Variants in PIAS1 observed in about 807,000 individuals in gnomAD.
PIAS1 encodes E3 SUMO-protein ligase PIAS1.
Under a neutral mutation model 71.3 loss-of-function variants are expected in PIAS1, and 6 were observed. The observed-to-expected ratio is 0.08, with a 90% CI of 0.05 to 0.17. The LOEUF (loss-of-function observed/expected upper bound fraction) is 0.17. PIAS1 is among the 10% of genes least tolerant of loss of function. PIAS1 has a pLI of 1.00. For synonymous variants in PIAS1, 303 were observed against 292.9 expected, an observed-to-expected ratio of 1.03 and a Z score of -0.35; for missense variants, 555 against 793.6, an observed-to-expected ratio of 0.70 and a Z score of 3.61.
chr15:68,185,472 A>T lies in PIAS1; in HGVS notation c.1662+1805A>T, dbSNP rs1417281362. Among the ~76,000 whole-genome samples the T allele has an allele frequency of 1.3e-5, 2 of 152,234 alleles. No homozygotes were observed. The highest frequency in any genetic ancestry group is 2.9e-5 in the Non-Finnish European group (2 of 68,038). ...TAACCTAGATGTAGATGAGGATGAC[A>T]TTGAGAAGCTCCTAGATGTGGTTCC... On this transcript the variant is annotated intron_variant, in intron 13 of 13. Transcript: ENST00000249636. This position sits in a 1 kb window ranked among gnomAD's most constrained non-coding sequence, Gnocchi z 4.4.
chr15:68,187,028 TTAGAG>T lies in PIAS1; in HGVS notation c.1663-511_1663-507del, dbSNP rs896237828. Among the ~76,000 whole-genome samples the T allele has an allele frequency of 4.6e-5, 7 of 152,386 alleles. No homozygotes were observed. The highest frequency in any genetic ancestry group is 1.2e-4 in the African/African-American group (5 of 41,604). ...AGAAAGATAAATTTCCTTGGAAAAC[TTAGAG>T]TAATCATACCCATTATCATTATGGC... On this transcript the variant is annotated intron_variant, in intron 13 of 13. Transcript: ENST00000249636. This position sits in a 1 kb window ranked among gnomAD's most constrained non-coding sequence, Gnocchi z 5.3.
intron 2 of PIAS1, among the ~76,000 whole-genome samples, chr15:68,103,273 A>AT (rs36010725): frequency 0.49 from 72,784 of 147,542 alleles, 18,399 homozygotes; most frequent in Middle Eastern, 0.58. Flanking sequence ...ATAAAATGAT[A>AT]TTTTTTTTTC....
intron 2 of PIAS1, among the ~76,000 whole-genome samples, chr15:68,103,063 G>C (rs1595726861): frequency 6.6e-6 from 1 of 151,986 alleles, no homozygotes; most frequent in East Asian, 1.9e-4. Flanking sequence ...GAGTAGCTGG[G>C]ACTATAGGTG....
chr15:68,070,821 A>G (rs1032849316), intron 1 of PIAS1, among the ~76,000 whole-genome samples: 3 of 152,170 alleles, frequency 2.0e-5, no homozygotes, highest in East Asian at 3.9e-4. Flanking sequence ...TGGCCTCACT[A>G]TGTTGGCCAG....
At chr15:68,182,533 T>C (rs1297784968) in intron 12 of PIAS1, among the ~76,000 whole-genome samples, 1 of 115,402 alleles carries the variant, frequency 8.7e-6, no homozygotes. Context: ...TTTGCTCTTA[T>C]TGCTCAGGCT....
At chr15:68,065,226 A>C (rs1274409899) in intron 1 of PIAS1, among the ~76,000 whole-genome samples, 1 of 152,146 alleles carries the variant, frequency 6.6e-6, no homozygotes, top group Admixed American at 6.5e-5. Context: ...TTTACAGTAC[A>C]GCAGTGCCTA....
intron 2 of PIAS1, among the ~76,000 whole-genome samples, chr15:68,116,115 A>C (rs1319953771): frequency 1.3e-5 from 2 of 151,430 alleles, no homozygotes; most frequent in Non-Finnish European, 3.0e-5. Flanking sequence ...TGTAGAATCA[A>C]TATTTTTTCT....
chr15:68,125,540 A>G (rs1361285374), intron 2 of PIAS1, among the ~76,000 whole-genome samples: 1 of 152,206 alleles, frequency 6.6e-6, no homozygotes, highest in Non-Finnish European at 1.5e-5. Context: ...AGCATGCCTG[A>G]AAATGTTTTA....
chr15:68,117,597 G>T (rs891548261), intron 2 of PIAS1, among the ~76,000 whole-genome samples: 9 of 152,124 alleles, frequency 5.9e-5, no homozygotes, highest in Non-Finnish European at 1.3e-4. Flanking sequence ...TCCACATGTG[G>T]ATGAAATCGT....
rs781327927 is a variant in PIAS1, at chr15:68,185,394, G to A, written c.1662+1727G>A. Among the ~76,000 whole-genome samples, 6 of 152,192 alleles carry A rather than the reference G, an allele frequency of 3.9e-5. No homozygotes were observed. Among genetic ancestry groups the A allele is most frequent in the Non-Finnish European group, 8.8e-5 (6 of 68,036 alleles). ...TCATGACTTCAAAGAATCTGCTAAGGATGAAGAGGTTGCAGAAATGGACAA... is the reference window on the plus strand; with the variant it reads ...TCATGACTTCAAAGAATCTGCTAAGAATGAAGAGGTTGCAGAAATGGACAA... On this transcript the variant is annotated intron_variant, in intron 13 of 13. Coordinates refer to ENST00000249636, the MANE Select transcript of PIAS1 (RefSeq NM_016166.3). This position sits in a 1 kb window ranked among gnomAD's most constrained non-coding sequence, Gnocchi z 4.4.
At chr15:68,181,148 T>A in intron 11 of PIAS1, 64 bp from the exon 12 acceptor site, 9 of 1,493,462 alleles carry the variant, frequency 6.0e-6, no homozygotes, top group African/African-American at 1.4e-5. Flanking sequence ...TACAACCCCT[T>A]TTTTTGTTAA....
intron 2 of PIAS1, among the ~76,000 whole-genome samples, chr15:68,090,648 A>G (rs1338617404): frequency 1.3e-5 from 2 of 152,024 alleles, no homozygotes; most frequent in Non-Finnish European, 2.9e-5. Context: ...TGCAAACACA[A>G]CTGAGCCATA....
intron 2 of PIAS1, among the ~76,000 whole-genome samples, chr15:68,090,762 T>G (rs1033812215): frequency 1.3e-5 from 2 of 152,192 alleles, no homozygotes; most frequent in East Asian, 1.9e-4. Context: ...TCTCTGAGGT[T>G]AATTGATGTC....
At chr15:68,058,267 A>G (rs942244542) in intron 1 of PIAS1, among the ~76,000 whole-genome samples, 1 of 152,260 alleles carries the variant, frequency 6.6e-6, no homozygotes, top group African/African-American at 2.4e-5. Flanking sequence ...TGACTCTGGC[A>G]TGAAGCATCT....
rs77605246 is a variant in PIAS1, at chr15:68,121,091, C to T, written c.470-20855C>T. On this transcript the variant is annotated intron_variant, in intron 2 of 13. Transcript: ENST00000249636. ...TCATTCTTTTGTGTATATCCAGATT[C>T]TAATCTGGTGTTGTTTTCCTATTCC... is the stretch of plus-strand genomic sequence containing the variant. Among the ~76,000 whole-genome samples, 67 of 152,270 alleles carry T rather than the reference C, an allele frequency of 4.4e-4. No homozygotes were observed. The East Asian group carries it at 8.9e-3, about 20-fold the overall frequency.
intron 2 of PIAS1, among the ~76,000 whole-genome samples, chr15:68,095,704 G>A (rs1191246201): frequency 2.0e-5 from 3 of 151,646 alleles, no homozygotes; most frequent in African/African-American, 7.3e-5. Context: ...CTCATTTTTT[G>A]TATTTTCGTA....
chr15:68,152,960 G>A (rs551897135), intron 6 of PIAS1, among the ~76,000 whole-genome samples: 1 of 146,230 alleles, frequency 6.8e-6, no homozygotes, highest in South Asian at 2.2e-4. Context: ...CTGTCTGCTG[G>A]TAATGGATAT....
chr15:68,079,258 A>G (rs541991891), intron 1 of PIAS1, among the ~76,000 whole-genome samples: 36 of 152,210 alleles, frequency 2.4e-4, no homozygotes, highest in East Asian at 1.3e-3. Flanking sequence ...GTTTATTTCT[A>G]TGTGTTCATT....
intron 13 of PIAS1, chr15:68,183,908 G>A (rs1485945469): frequency 2.1e-5 from 7 of 328,246 alleles, no homozygotes; most frequent in Admixed American, 4.8e-5. Context: ...AGTATCACAC[G>A]TATAATTATG....
Sources: allele counts gnomAD v4.1 joint callset (sites outside exome capture counted in the v4.1 genomes callset), GRCh38; gene constraint gnomAD v4.1.1; non-coding constraint Gnocchi (gnomAD v3.1); transcripts MANE v1.5; gene names NCBI Gene and HGNC (gene_info 2026-07-23, HGNC 2026-07-21).